DDAH1: variants seen among roughly 807,000 people sequenced by gnomAD.
DDAH1 encodes the protein dimethylarginine dimethylaminohydrolase 1, also known as N(G),N(G)-dimethylarginine dimethylaminohydrolase 1.
DDAH1 carries 19 observed loss-of-function variants against 28.8 expected under a neutral mutation model. The observed-to-expected ratio is 0.66, with a 90% CI of 0.46 to 0.97. The LOEUF is 0.97. Ranked by LOEUF, DDAH1 falls within the 50% of genes least tolerant of loss-of-function variation. DDAH1 has a pLI of 0.00. For synonymous variants in DDAH1, 153 were observed against 154.4 expected, an observed-to-expected ratio of 0.99 and a Z score of 0.07; for missense variants, 326 against 375.9, an observed-to-expected ratio of 0.87 and a Z score of 1.10.
intron 4 of DDAH1, among the ~76,000 whole-genome samples, chr1:85,326,143 C>T (rs188653249): frequency 6.6e-6 from 1 of 152,308 alleles, no homozygotes; most frequent in Admixed American, 6.5e-5. Flanking sequence ...CATAGTAAGC[C>T]CTTCCTGACT....
intron 1 of DDAH1, 103 bp from the exon 2 acceptor site, chr1:85,358,950 C>A: frequency 1.4e-6 from 1 of 707,400 alleles, no homozygotes; most frequent in East Asian, 2.5e-5. Flanking sequence ...TGCACACACC[C>A]ACACACATCC....
At chr1:85,532,511 G>C (rs1477892937) in intron 1 of DDAH1, among the ~76,000 whole-genome samples, 1 of 151,986 alleles carries the variant, frequency 6.6e-6, no homozygotes. Flanking sequence ...AACATTTATT[G>C]CATGTTTATT....
intron 4 of DDAH1, among the ~76,000 whole-genome samples, chr1:85,328,656 G>A (rs972192126): frequency 1.3e-5 from 2 of 152,188 alleles, no homozygotes; most frequent in African/African-American, 4.8e-5. Flanking sequence ...CCAGACAACT[G>A]GGGAGGCAGT....
At chr1:85,554,010 C>T (rs1392126826) in intron 1 of DDAH1, among the ~76,000 whole-genome samples, 2 of 152,218 alleles carry the variant, frequency 1.3e-5, no homozygotes, top group African/African-American at 2.4e-5. Context: ...ACTTGCTGCT[C>T]ACACAATGTT....
At chr1:85,421,587 CCT>C (rs1470584251) in intron 1 of DDAH1, among the ~76,000 whole-genome samples, 6 of 152,072 alleles carry the variant, frequency 3.9e-5, no homozygotes, top group African/African-American at 1.4e-4. Flanking sequence ...CACAAAATCC[CCT>C]GTGCTTTACC....
At chr1:85,407,447 T>A (rs1652457946) in intron 1 of DDAH1, among the ~76,000 whole-genome samples, 1 of 152,184 alleles carries the variant, frequency 6.6e-6, no homozygotes, top group Non-Finnish European at 1.5e-5. Flanking sequence ...TAAAACTCTA[T>A]CAGAGCGGAA....
chr1:85,503,459 C>G (rs922928011), intron 1 of DDAH1, among the ~76,000 whole-genome samples: 1 of 152,130 alleles, frequency 6.6e-6, no homozygotes, highest in Non-Finnish European at 1.5e-5. Flanking sequence ...CCTCGGGCCT[C>G]CCAAAGTGCT....
chr1:85,564,915 G>A (rs1021266637), intron 1 of DDAH1, among the ~76,000 whole-genome samples: 2 of 150,246 alleles, frequency 1.3e-5, no homozygotes, highest in African/African-American at 4.9e-5. Context: ...GATACATCGT[G>A]GCCAGGCGCA....
At chr1:85,449,466 A>G (rs659070) in intron 1 of DDAH1, among the ~76,000 whole-genome samples, 126,036 of 152,020 alleles carry the variant, frequency 0.83, 52,386 homozygotes, top group Middle Eastern at 0.91. Flanking sequence ...GGGTAGGGCC[A>G]TCAGCAGAAT....
intron 1 of DDAH1, among the ~76,000 whole-genome samples, chr1:85,540,203 C>A (rs1046100385): frequency 2.0e-5 from 3 of 152,234 alleles, no homozygotes; most frequent in Non-Finnish European, 2.9e-5. Flanking sequence ...AGTCAACAAT[C>A]TTTCCAATAT....
At chr1:85,565,114 A>G (rs1391959764) in intron 1 of DDAH1, among the ~76,000 whole-genome samples, 3 of 151,816 alleles carry the variant, frequency 2.0e-5, no homozygotes, top group Non-Finnish European at 2.9e-5. Context: ...AGACAGGAGA[A>G]TCACTTGTAC....
intron 4 of DDAH1, among the ~76,000 whole-genome samples, chr1:85,334,465 A>G (rs1647983724): frequency 1.3e-5 from 2 of 152,234 alleles, no homozygotes. Context: ...CTCATGTTGA[A>G]TTGTAATTCC....
intron 1 of DDAH1, among the ~76,000 whole-genome samples, chr1:85,443,855 C>T (rs531646732): frequency 2.1e-4 from 32 of 152,264 alleles, no homozygotes; most frequent in African/African-American, 7.5e-4. Context: ...GATTTTTGCA[C>T]ATTGATTTTG....
rs145702379 is a variant in DDAH1 at position 85,402,639 on chromosome 1, G to A, written c.304-43792C>T. On this transcript the variant is annotated intron_variant, in intron 1 of 5. Coordinates refer to ENST00000284031, the MANE Select transcript of DDAH1 (RefSeq NM_012137.4). ...TAATAAAAATCTTCTGGCCGGACGCGGTGGTTCACGCCTGTAATCCCAGCA... is the reference window on the plus strand; with the variant it reads ...TAATAAAAATCTTCTGGCCGGACGCAGTGGTTCACGCCTGTAATCCCAGCA... Among the ~76,000 whole-genome samples the A allele has an allele frequency of 7.0e-3, 1,061 of 152,110 alleles. 12 individuals carry two copies. The highest frequency in any genetic ancestry group is 0.024 in the African/African-American group (1,011 of 41,498).
intron 2 of DDAH1, among the ~76,000 whole-genome samples, chr1:85,355,416 T>C (rs1649440318): frequency 6.6e-6 from 1 of 152,152 alleles, no homozygotes; most frequent in South Asian, 2.1e-4. Context: ...ATATAAATTA[T>C]AGGCCACAAA....
intron 1 of DDAH1, among the ~76,000 whole-genome samples, chr1:85,373,751 G>A (rs748085253): frequency 1.4e-4 from 22 of 152,032 alleles, no homozygotes; most frequent in Non-Finnish European, 2.6e-4. Context: ...AATACCCAGG[G>A]AGAAACTAAG....
At chr1:85,397,660 C>G (rs1651872773) in intron 1 of DDAH1, among the ~76,000 whole-genome samples, 1 of 152,172 alleles carries the variant, frequency 6.6e-6, no homozygotes, top group Admixed American at 6.5e-5. Flanking sequence ...AGAATTTGCT[C>G]TCTGTATTAC....
intron 1 of DDAH1, among the ~76,000 whole-genome samples, chr1:85,531,973 C>G (rs1246598192): frequency 6.6e-6 from 1 of 152,192 alleles, no homozygotes; most frequent in Non-Finnish European, 1.5e-5. Flanking sequence ...TAAACCAAGA[C>G]TTTCCAAGCC....
intron 1 of DDAH1, among the ~76,000 whole-genome samples, chr1:85,438,098 T>C (rs1300465702): frequency 2.0e-5 from 3 of 152,188 alleles, no homozygotes; most frequent in Non-Finnish European, 4.4e-5. Context: ...AATACCAGCA[T>C]CTTCTCACTT....
Sources: gnomAD v4.1 joint callset for allele counts (sites outside exome capture counted in the v4.1 genomes callset) on GRCh38, gnomAD v4.1.1 for gene constraint, MANE v1.5 for transcripts, NCBI Gene and HGNC (gene_info 2026-07-23, HGNC 2026-07-21) for gene names.